Variants in ARHGAP24 observed in about 807,000 individuals in gnomAD.
ARHGAP24 encodes rho GTPase-activating protein 24.
In ARHGAP24, 50 loss-of-function variants were observed where a neutral mutation model predicts 76.4. The ratio of observed to expected loss-of-function variants is 0.65; its 90% CI spans 0.52 to 0.83. ARHGAP24 has a LOEUF of 0.83. ARHGAP24 is among the 40% of genes least tolerant of loss of function. The pLI is 0.00. For missense variants in ARHGAP24, 930 were observed against 914.2 expected, an observed-to-expected ratio of 1.02 and a Z score of -0.22; for synonymous variants, 345 against 323.3, an observed-to-expected ratio of 1.07 and a Z score of -0.72.
At chr4:85,943,147 C>T (rs1737047314) in intron 5 of ARHGAP24, among the ~76,000 whole-genome samples, 1 of 152,120 alleles carries the variant, frequency 6.6e-6, no homozygotes, top group African/African-American at 2.4e-5. Flanking sequence ...TATACACTTG[C>T]ATAAATACTT....
chr4:85,558,906 C>G (rs1326207313), intron 1 of ARHGAP24, among the ~76,000 whole-genome samples: 1 of 152,194 alleles, frequency 6.6e-6, no homozygotes, highest in Non-Finnish European at 1.5e-5. Flanking sequence ...GCTGGCCCCA[C>G]TGAGGGGCTT....
intron 2 of ARHGAP24, among the ~76,000 whole-genome samples, chr4:85,663,962 A>T (rs1476514211): frequency 6.6e-6 from 1 of 151,862 alleles, no homozygotes; most frequent in Non-Finnish European, 1.5e-5. Context: ...TTCATCAAGG[A>T]TATTGGTCTA....
intron 3 of ARHGAP24, among the ~76,000 whole-genome samples, chr4:85,897,484 A>G (rs1462638359): frequency 1.3e-5 from 2 of 152,212 alleles, no homozygotes; most frequent in African/African-American, 2.4e-5. Context: ...TATTATTATT[A>G]CTACTAATTT....
At chr4:85,506,790 C>T (rs185904990) in intron 1 of ARHGAP24, among the ~76,000 whole-genome samples, 3 of 152,280 alleles carry the variant, frequency 2.0e-5, no homozygotes, top group Non-Finnish European at 2.9e-5. Context: ...AACCAGGTAC[C>T]TTAGTTGGAA....
intron 2 of ARHGAP24, among the ~76,000 whole-genome samples, chr4:85,621,952 A>C (rs28867780): frequency 1.3e-5 from 2 of 151,910 alleles, no homozygotes; most frequent in Non-Finnish European, 2.9e-5. Flanking sequence ...TATGGTGAGA[A>C]ATAGGAGTCC....
chr4:85,703,915 A>G (rs1724199299), intron 2 of ARHGAP24, among the ~76,000 whole-genome samples: 1 of 152,030 alleles, frequency 6.6e-6, no homozygotes, highest in African/African-American at 2.4e-5. Context: ...AAAATCCCCA[A>G]TGCCCCTTTG....
At chr4:85,976,436 A>G (rs965040753) in intron 7 of ARHGAP24, among the ~76,000 whole-genome samples, 2 of 152,218 alleles carry the variant, frequency 1.3e-5, no homozygotes, top group Non-Finnish European at 2.9e-5. Context: ...TCTCATCTGT[A>G]AAACAGAGAC....
intron 2 of ARHGAP24, among the ~76,000 whole-genome samples, chr4:85,697,698 A>T (rs560196896): frequency 2.2e-4 from 33 of 152,326 alleles, no homozygotes; most frequent in African/African-American, 7.5e-4. Flanking sequence ...TGAAGAAGGT[A>T]GAGGCTGAAC....
chr4:85,915,922 T>C (rs1206003867), intron 3 of ARHGAP24, among the ~76,000 whole-genome samples: 1 of 152,218 alleles, frequency 6.6e-6, no homozygotes, highest in Non-Finnish European at 1.5e-5. Context: ...TTATAATCCT[T>C]TGGGTATATA....
intron 3 of ARHGAP24, among the ~76,000 whole-genome samples, chr4:85,867,804 T>TTA (rs1732277669): frequency 6.7e-6 from 1 of 149,026 alleles, no homozygotes. Context: ...TGCCTGATAA[T>TTA]TATATATATA....
intron 5 of ARHGAP24, among the ~76,000 whole-genome samples, chr4:85,955,675 C>T (rs1004221552): frequency 6.6e-6 from 1 of 152,138 alleles, no homozygotes; most frequent in Non-Finnish European, 1.5e-5. Context: ...CTATCAGCTG[C>T]AGGAGTGTAT....
rs181018995 is a variant in ARHGAP24, at chr4:85,762,038, C to G, written c.268+40066C>G. ...AAGAACTCAGCCAGTTGGCCAGTGGCCATGGTAAAATTGCACCACCAGTAA... is the reference window on the plus strand; with the variant it reads ...AAGAACTCAGCCAGTTGGCCAGTGGGCATGGTAAAATTGCACCACCAGTAA... On this transcript the variant is annotated intron_variant, in intron 3 of 9. Coordinates refer to ENST00000395184, the MANE Select transcript of ARHGAP24 (RefSeq NM_001025616.3). Among the ~76,000 whole-genome samples the G allele has an allele frequency of 1.7e-3, 255 of 152,282 alleles. 3 individuals carry two copies. The highest frequency in any genetic ancestry group is 1.7e-3 in the Non-Finnish European group (118 of 68,024).
At position 85,655,848 on chromosome 4, in the gene ARHGAP24, G is replaced by GAGAGAGAGAGAGAC. The variant is rs1560571885; in HGVS notation, c.181-66033_181-66032insAGAGAGAGACAGAG. Among the ~76,000 whole-genome samples, 4 of 67,620 alleles carry GAGAGAGAGAGAGAC rather than the reference G, an allele frequency of 5.9e-5. 1 individual carries two copies. Among genetic ancestry groups the GAGAGAGAGAGAGAC allele is most frequent in the African/African-American group, 2.4e-4 (4 of 16,504 alleles). The allele number at this position is 67,620 out of a possible 152,430, so 44.4% of individuals were successfully genotyped here. A position where few individuals can be genotyped will look rare whatever the true frequency, so the allele number is the denominator to read the frequency against. ...AGAGAGAGAGAGAGAGAGAGAGACAGAGAGGAAGTTTGGTTAGACTGTGCC... is the reference window on the plus strand; with the variant it reads ...AGAGAGAGAGAGAGAGAGAGAGACAGAGAGAGAGAGAGACAGAGGAAGTTTGGTTAGACTGTGCC... On this transcript the variant is annotated intron_variant, in intron 2 of 9. Coordinates refer to ENST00000395184, the MANE Select transcript of ARHGAP24 (RefSeq NM_001025616.3).
At chr4:85,700,703 T>G (rs1724051182) in intron 2 of ARHGAP24, among the ~76,000 whole-genome samples, 1 of 152,146 alleles carries the variant, frequency 6.6e-6, no homozygotes, top group African/African-American at 2.4e-5. Context: ...CAAATCAAGG[T>G]TAGAAGTCTG....
chr4:85,710,567 C>CT (rs1437193170), intron 2 of ARHGAP24, among the ~76,000 whole-genome samples: 1 of 152,130 alleles, frequency 6.6e-6, no homozygotes, highest in East Asian at 1.9e-4. Context: ...TACTATGCCT[C>CT]TGACAAAGGT....
chr4:85,677,021 C>G (rs540174466), intron 2 of ARHGAP24, among the ~76,000 whole-genome samples: 1 of 152,240 alleles, frequency 6.6e-6, no homozygotes, highest in Non-Finnish European at 1.5e-5. Context: ...AAGAACCCAA[C>G]GGGGGCAGAG....
chr4:85,664,688 G>A (rs1162676988), intron 2 of ARHGAP24, among the ~76,000 whole-genome samples: 42 of 150,834 alleles, frequency 2.8e-4, no homozygotes, highest in South Asian at 4.3e-4. Context: ...CTTTGAATGC[G>A]TCCCAGAGAT....
At position 85,804,061 on chromosome 4, in the gene ARHGAP24, C is replaced by A. The variant is rs147835382; in HGVS notation, c.268+82089C>A. Among the ~76,000 whole-genome samples, 3 of 152,010 alleles carry A rather than the reference C, an allele frequency of 2.0e-5. No individual in the cohort carries two copies. The East Asian group carries it at 5.8e-4, about 29-fold the overall frequency. ...CCGCCTCCTGGGTTCAAGGTACACT[C>A]CTGCTTCAGCCTCCTGAGTAGCTGG... is the stretch of plus-strand genomic sequence containing the variant. On this transcript the variant is annotated intron_variant, in intron 3 of 9. Transcript: ENST00000395184.
intron 4 of ARHGAP24, chr4:85,930,264 G>C (rs1736253532): frequency 1.0e-6 from 1 of 985,524 alleles, no homozygotes; most frequent in South Asian, 4.7e-5. Context: ...CTGACGTTGT[G>C]ATTCTCTCGG....
Sources: gnomAD v4.1 joint callset for allele counts (sites outside exome capture counted in the v4.1 genomes callset) on GRCh38, gnomAD v4.1.1 for gene constraint, MANE v1.5 for transcripts, NCBI Gene and HGNC (gene_info 2026-07-23, HGNC 2026-07-21) for gene names.